CEP128: variants seen among roughly 807,000 people sequenced by gnomAD.
CEP128 encodes the protein centrosomal protein 128kDa.
A neutral mutation model predicts 156.7 loss-of-function variants in CEP128; 132 were observed. That is an observed-to-expected ratio of 0.84 (90% CI 0.73 to 0.97). The LOEUF is 0.97. CEP128 is among the 50% of genes least tolerant of loss of function. The pLI, the probability that CEP128 is intolerant of heterozygous loss-of-function variation, is 0.00. For missense variants in CEP128, 1,252 were observed against 1,281.9 expected, an observed-to-expected ratio of 0.98 and a Z score of 0.36; for synonymous variants, 469 against 448.9, an observed-to-expected ratio of 1.04 and a Z score of -0.57.
intron 23 of CEP128, among the ~76,000 whole-genome samples, chr14:80,519,604 G>A (rs1230690160): frequency 1.3e-5 from 2 of 152,122 alleles, no homozygotes; most frequent in African/African-American, 4.8e-5. Flanking sequence ...CAGTGCTCAA[G>A]AAAACTTAAT....
intron 12 of CEP128, among the ~76,000 whole-genome samples, chr14:80,833,924 G>C (rs1885940732): frequency 6.6e-6 from 1 of 152,130 alleles, no homozygotes; most frequent in South Asian, 2.1e-4. Flanking sequence ...TTGGATGTCT[G>C]GATGGAGGAT....
intron 20 of CEP128, among the ~76,000 whole-genome samples, chr14:80,570,486 G>A (rs1483391427): frequency 6.6e-6 from 1 of 152,086 alleles, no homozygotes; most frequent in Non-Finnish European, 1.5e-5. Context: ...CTCATTTAAA[G>A]CCAGGAACAT....
intron 9 of CEP128, among the ~76,000 whole-genome samples, chr14:80,852,875 T>C (rs755415235): frequency 6.6e-6 from 1 of 151,586 alleles, no homozygotes; most frequent in African/African-American, 2.4e-5. Flanking sequence ...CTAATCTCAA[T>C]CATAAACACA....
At chr14:80,696,184 A>G (rs1314742114) in intron 19 of CEP128, among the ~76,000 whole-genome samples, 1 of 152,234 alleles carries the variant, frequency 6.6e-6, no homozygotes, top group African/African-American at 2.4e-5. Flanking sequence ...TGTTAGAAGG[A>G]GACCGGAAAG....
chr14:80,856,998 T>A (rs925548952), intron 9 of CEP128, among the ~76,000 whole-genome samples: 1 of 151,642 alleles, frequency 6.6e-6, no homozygotes, highest in African/African-American at 2.4e-5. Context: ...CCCGCCCACC[T>A]CAGCCTCCCA....
intron 2 of CEP128, among the ~76,000 whole-genome samples, chr14:80,936,980 C>A (rs1594868882): frequency 1.3e-5 from 2 of 150,948 alleles, no homozygotes; most frequent in South Asian, 2.1e-4. Context: ...AAAAAAAAAA[C>A]CACATTAGCT....
rs1443817190 is a variant in CEP128 at position 80,913,335 on chromosome 14, A to G, written c.234+987T>C. On this transcript the variant is annotated intron_variant, in intron 4 of 24. Transcript: ENST00000555265. Reference sequence around the variant, plus strand: ...GAATACGGTATAACTGTTCAAAACAATGAAGTAGTGCTACACAAAGTTATA... The same window carrying G: ...GAATACGGTATAACTGTTCAAAACAGTGAAGTAGTGCTACACAAAGTTATA... Among the ~76,000 whole-genome samples the G allele has an allele frequency of 5.3e-5, 8 of 152,334 alleles. No homozygotes were observed. In the East Asian group the frequency reaches 1.3e-3, roughly 26 times the overall value.
chr14:80,791,885 C>T (rs572496950), intron 14 of CEP128, among the ~76,000 whole-genome samples: 63 of 152,194 alleles, frequency 4.1e-4, no homozygotes, highest in African/African-American at 1.5e-3. Flanking sequence ...AAATATAATG[C>T]CCTATATTTT....
chr14:80,507,074 G>A (rs1387578623), intron 23 of CEP128, among the ~76,000 whole-genome samples: 12 of 151,850 alleles, frequency 7.9e-5, no homozygotes, highest in Admixed American at 2.6e-4. Flanking sequence ...GCCTGTGCCT[G>A]CTTCACCTTC....
At chr14:80,833,425 G>C (rs1290788323) in intron 12 of CEP128, among the ~76,000 whole-genome samples, 1 of 151,652 alleles carries the variant, frequency 6.6e-6, no homozygotes, top group African/African-American at 2.4e-5. Context: ...ACATACACAT[G>C]TAGTATATGT....
intron 20 of CEP128, among the ~76,000 whole-genome samples, chr14:80,565,986 T>C (rs1890892696): frequency 1.3e-5 from 2 of 151,980 alleles, no homozygotes; most frequent in African/African-American, 4.8e-5. Flanking sequence ...GTAAGAAGAG[T>C]CTTCTATCTT....
intron 16 of CEP128, among the ~76,000 whole-genome samples, chr14:80,764,567 C>T (rs1900145441): frequency 6.6e-6 from 1 of 151,638 alleles, no homozygotes; most frequent in Non-Finnish European, 1.5e-5. Context: ...CTCTGTGGGA[C>T]AGTTGTATGC....
At chr14:80,894,638 G>T in intron 8 of CEP128, 1 of 469,988 alleles carries the variant, frequency 2.1e-6, no homozygotes, top group East Asian at 5.9e-5. Context: ...GCAGAAGACA[G>T]GCATTGTATC....
At chr14:80,733,338 T>TTG (rs2139538584) in intron 19 of CEP128, among the ~76,000 whole-genome samples, 1 of 99,930 alleles carries the variant, frequency 1.0e-5, no homozygotes, top group East Asian at 2.8e-4. Context: ...ACCACATGGG[T>TTG]CGTGTGTGTG....
At chr14:80,516,311 T>C (rs1888486582) in intron 23 of CEP128, among the ~76,000 whole-genome samples, 1 of 152,208 alleles carries the variant, frequency 6.6e-6, no homozygotes, top group South Asian at 2.1e-4. Context: ...TGGTGCCCTA[T>C]TCTACTATGG....
At chr14:80,583,029 G>A (rs187930744) in intron 19 of CEP128, among the ~76,000 whole-genome samples, 8 of 152,306 alleles carry the variant, frequency 5.3e-5, no homozygotes, top group African/African-American at 2.4e-5. Flanking sequence ...ATGAGTGTCA[G>A]ATCTTTTATG....
chr14:80,539,628 C>A (rs1889650332), intron 21 of CEP128, among the ~76,000 whole-genome samples: 1 of 152,018 alleles, frequency 6.6e-6, no homozygotes, highest in African/African-American at 2.4e-5. Context: ...ATCAGTGCAC[C>A]TTGAAAAAGA....
chr14:80,922,315 G>A (rs1047312807), intron 2 of CEP128, among the ~76,000 whole-genome samples: 3 of 152,102 alleles, frequency 2.0e-5, no homozygotes, highest in South Asian at 2.1e-4. Flanking sequence ...CTGAAGAAAC[G>A]GGATCACAGT....
At chr14:80,761,891 G>A (rs1447798317) in intron 16 of CEP128, among the ~76,000 whole-genome samples, 1 of 151,990 alleles carries the variant, frequency 6.6e-6, no homozygotes, top group Non-Finnish European at 1.5e-5. Flanking sequence ...GTAGAAAAAA[G>A]AACCTTTTCC....
Sources: allele counts gnomAD v4.1 joint callset (sites outside exome capture counted in the v4.1 genomes callset), GRCh38; gene constraint gnomAD v4.1.1; transcripts MANE v1.5; gene names NCBI Gene and HGNC (gene_info 2026-07-23, HGNC 2026-07-21).